The following CNTLN variants were observed in gnomAD, a reference collection of about 807,000 sequenced individuals.
The protein encoded by CNTLN is centlein, centrosomal protein.
A neutral mutation model predicts 180.0 loss-of-function variants in CNTLN; 212 were observed. That is an observed-to-expected ratio of 1.18 (90% CI 1.05 to 1.32). The LOEUF is 1.32. CNTLN is among the 40% of genes most tolerant of loss of function. The probability of loss-of-function intolerance (pLI) is 0.00; values close to 1 mark genes in which losing one functional copy is unlikely to be tolerated. For missense variants in CNTLN, 2,095 were observed against 1,610.9 expected, an observed-to-expected ratio of 1.30 and a Z score of -5.14; for synonymous variants, 722 against 563.1, an observed-to-expected ratio of 1.28 and a Z score of -3.99.
Position 17,464,584 on chromosome 9 carries a change from C to A in CNTLN, c.3492C>A (p.Asn1164Lys). 6.7e-7 allele frequency: 1 copy of A among 1,494,052 alleles called. No individual in the cohort carries two copies. The highest frequency in any genetic ancestry group is 2.6e-5 in the East Asian group (1 of 38,258). 92.5% of individuals were successfully genotyped at this position (1,494,052 alleles called of 1,614,324 possible). A position where few individuals can be genotyped will look rare whatever the true frequency, so the allele number is the denominator to read the frequency against. The change falls in exon 21 of 26, where the codon AAC becomes AAA. Residue 1164 changes from asparagine to lysine, a missense_variant. Transcript: ENST00000380647. Reference sequence around the variant, plus strand: ...GACAGAAAGTAAATTTGGAAAGTAACAAGAGTTTTAGTGAAATGTTACAAA... The same window carrying A: ...GACAGAAAGTAAATTTGGAAAGTAAAAAGAGTTTTAGTGAAATGTTACAAA... ...KFRQKVNLES[N>K]KSFSEMLQNL...
At chr9:17,210,850 C>T (rs964996152) in intron 2 of CNTLN, among the ~76,000 whole-genome samples, 11 of 152,240 alleles carry the variant, frequency 7.2e-5, no homozygotes, top group African/African-American at 2.6e-4. Context: ...GCATAAATGT[C>T]TTCTTTTGAG....
chr9:17,376,410 C>A (rs1250651473), intron 13 of CNTLN, among the ~76,000 whole-genome samples: 2 of 151,634 alleles, frequency 1.3e-5, no homozygotes, highest in African/African-American at 4.8e-5. Context: ...TTAATATTAT[C>A]ATATAACCAT....
intron 6 of CNTLN, among the ~76,000 whole-genome samples, chr9:17,289,705 TTTC>T (rs1829233479): frequency 7.2e-6 from 1 of 139,452 alleles, no homozygotes; most frequent in South Asian, 2.6e-4. Flanking sequence ...GCTTTGCTCA[TTTC>T]TTTTTATTCT....
chr9:17,325,264 T>G (rs899865846), intron 8 of CNTLN, among the ~76,000 whole-genome samples: 4 of 141,988 alleles, frequency 2.8e-5, no homozygotes, highest in African/African-American at 1.0e-4. Context: ...CAATGTTTAC[T>G]TTATTAATTG....
At chr9:17,489,701 A>G (rs1388737560) in intron 25 of CNTLN, among the ~76,000 whole-genome samples, 2 of 152,168 alleles carry the variant, frequency 1.3e-5, no homozygotes, top group Non-Finnish European at 1.5e-5. Context: ...GTTGTTAGCT[A>G]CAAGTGCATG....
At chr9:17,453,533 T>A (rs1830924157) in intron 18 of CNTLN, among the ~76,000 whole-genome samples, 1 of 152,168 alleles carries the variant, frequency 6.6e-6, no homozygotes, top group Non-Finnish European at 1.5e-5. Flanking sequence ...ATATTAATTT[T>A]CTGTGCTACA....
intron 6 of CNTLN, among the ~76,000 whole-genome samples, chr9:17,282,437 G>T (rs1350502549): frequency 6.6e-6 from 1 of 152,106 alleles, no homozygotes; most frequent in Non-Finnish European, 1.5e-5. Context: ...AAATGGGGCT[G>T]TTTGTTTTTT....
Position 17,178,431 on chromosome 9 carries a change from G to A in CNTLN, c.449+35055G>A, listed in dbSNP as rs79361840. Reference sequence around the variant, plus strand: ...TGCCCGCACTCCTCAGCCCTTGGGCGGTAGATGGGACTGGGCGCCCTGGAA... The same window carrying A: ...TGCCCGCACTCCTCAGCCCTTGGGCAGTAGATGGGACTGGGCGCCCTGGAA... On this transcript the variant is annotated intron_variant, in intron 2 of 25. Coordinates refer to ENST00000380647, the MANE Select transcript of CNTLN (RefSeq NM_017738.4). Among the ~76,000 whole-genome samples the A allele has an allele frequency of 1.4e-3, 215 of 152,318 alleles. 1 individual carries two copies. The East Asian group carries it at 0.017, about 12-fold the overall frequency.
intron 18 of CNTLN, among the ~76,000 whole-genome samples, chr9:17,425,093 T>C (rs781664657): frequency 3.2e-4 from 48 of 152,280 alleles, no homozygotes; most frequent in Middle Eastern, 3.4e-3. Flanking sequence ...TTATCATTCA[T>C]TTATATATGA....
Position 17,466,871 on chromosome 9 carries a change from G to A in CNTLN, c.3835G>A (p.Glu1279Lys), listed in dbSNP as rs1432505009. The A allele has an allele frequency of 6.2e-7, 1 of 1,609,524 alleles. No homozygotes were observed. Among genetic ancestry groups the A allele is most frequent in the Admixed American group, 1.7e-5 (1 of 59,730 alleles). Residue 1279 changes from glutamate (E) to lysine (K), a missense_variant, in exon 23 of 26, where the codon GAG becomes AAG. Physicochemically the swap from Glu to Lys is moderately conservative, Grantham distance 56. Transcript: ENST00000380647. ...TLLLANEKVE[E>K]FTTFVKALAK... ...GCTGTTAGCCAATGAAAAAGTAGAA[G>A]AGTTCACCACATTTGTGAAGGTTTG... is the stretch of plus-strand genomic sequence containing the variant.
intron 5 of CNTLN, among the ~76,000 whole-genome samples, chr9:17,237,616 G>T (rs1319119305): frequency 1.3e-5 from 2 of 152,106 alleles, no homozygotes. Flanking sequence ...GGGAACGTGT[G>T]TAGGGTATTT....
Position 17,312,348 on chromosome 9 carries a change from T to TATATATATATATATATA in CNTLN, c.1341+3112_1341+3113insAATATATATATATATAT, listed in dbSNP as rs1356572922. The stretch of plus-strand genomic sequence containing the variant: ...ACTCGATAAGATTACTGTATTTATA[T>TATATATATATATATATA]ATATATATATATATATTATATATAT... On this transcript the variant is annotated intron_variant, in intron 8 of 25. Transcript: ENST00000380647. 6.2e-4 allele frequency among the ~76,000 whole-genome samples: 9 copies of TATATATATATATATATA among 14,618 alleles called. 1 individual carries two copies. Among genetic ancestry groups the TATATATATATATATATA allele is most frequent in the Non-Finnish European group, 8.6e-4 (4 of 4,638 alleles). The allele number at this position is 14,618 out of a possible 152,430, so 9.6% of individuals were successfully genotyped here. A position where few individuals can be genotyped will look rare whatever the true frequency, so the allele number is the denominator to read the frequency against.
chr9:17,185,652 G>T (rs1002352079), intron 2 of CNTLN, among the ~76,000 whole-genome samples: 2 of 152,146 alleles, frequency 1.3e-5, no homozygotes, highest in Non-Finnish European at 2.9e-5. Context: ...AGGTTTCAGA[G>T]ACCAAGGAGG....
At chr9:17,219,324 G>T (rs1823979221) in intron 2 of CNTLN, among the ~76,000 whole-genome samples, 1 of 151,142 alleles carries the variant, frequency 6.6e-6, no homozygotes. Flanking sequence ...AGATTGGTTG[G>T]TGACATTATA....
intron 6 of CNTLN, among the ~76,000 whole-genome samples, chr9:17,294,717 G>C (rs1759626): frequency 0.19 from 25,639 of 135,954 alleles, 3,142 homozygotes; most frequent in African/African-American, 0.33. Context: ...GGCTGCCGTG[G>C]AGCAGGGGGC....
chr9:17,306,180 T>C (rs1448627071), intron 7 of CNTLN, among the ~76,000 whole-genome samples: 2 of 148,786 alleles, frequency 1.3e-5, no homozygotes, highest in Non-Finnish European at 1.5e-5. Flanking sequence ...GTTTGAGTCT[T>C]GCCCTGTTGT....
intron 12 of CNTLN, among the ~76,000 whole-genome samples, chr9:17,357,986 C>G (rs1010899431): frequency 2.0e-5 from 3 of 151,766 alleles, no homozygotes; most frequent in African/African-American, 4.8e-5. Context: ...GATATATAAT[C>G]AAATGTAGGA....
intron 12 of CNTLN, among the ~76,000 whole-genome samples, chr9:17,344,189 G>C (rs1412796973): frequency 6.6e-6 from 1 of 152,178 alleles, no homozygotes; most frequent in African/African-American, 2.4e-5. Context: ...TACAGAAAAA[G>C]TAATGAGGCC....
At chr9:17,306,655 C>G (rs969512682) in intron 7 of CNTLN, among the ~76,000 whole-genome samples, 1 of 152,134 alleles carries the variant, frequency 6.6e-6, no homozygotes, top group African/African-American at 2.4e-5. Flanking sequence ...TAGCATCATG[C>G]CTGTACCTTG....
Sources: allele counts gnomAD v4.1 joint callset (sites outside exome capture counted in the v4.1 genomes callset), GRCh38; gene constraint gnomAD v4.1.1; transcripts MANE v1.5; gene names NCBI Gene and HGNC (gene_info 2026-07-23, HGNC 2026-07-21).